The following FRRS1 variants were observed in gnomAD, a reference collection of about 807,000 sequenced individuals.
FRRS1 encodes the protein ferric reductase 1.
A neutral mutation model predicts 70.7 loss-of-function variants in FRRS1; 51 were observed. The observed-to-expected ratio is 0.72, with a 90% CI of 0.58 to 0.91. FRRS1 has a LOEUF of 0.91. Ranked by LOEUF, FRRS1 falls within the 40% of genes least tolerant of loss-of-function variation. The pLI, the probability that FRRS1 is intolerant of heterozygous loss-of-function variation, is 0.00. For missense variants in FRRS1, 672 were observed against 726.0 expected (o/e 0.93, Z 0.86); for synonymous variants, 225 against 238.7 (o/e 0.94, Z 0.53).
chr1:99,716,933 A>G (rs1405286714), intron 11 of FRRS1, among the ~76,000 whole-genome samples: 1 of 152,214 alleles, frequency 6.6e-6, no homozygotes, highest in Non-Finnish European at 1.5e-5. Context: ...TACAGGAGAT[A>G]GATGATCCCA....
chr1:99,748,854 A>G, intron 2 of FRRS1, 43 bp downstream of exon 2: 3 of 937,046 alleles, frequency 3.2e-6, no homozygotes, highest in Admixed American at 5.3e-5. Context: ...ATTCTAGATA[A>G]CTACTTGCTT....
chr1:99,739,840 C>T (rs552299179), intron 6 of FRRS1, among the ~76,000 whole-genome samples: 1 of 151,746 alleles, frequency 6.6e-6, no homozygotes, highest in African/African-American at 2.4e-5. Context: ...GTATTTAGGC[C>T]CACGTTTGTT....
chr1:99,740,759 C>T (rs753918451), intron 6 of FRRS1, 34 bp downstream of exon 6: 10 of 1,481,034 alleles, frequency 6.8e-6, no homozygotes, highest in Admixed American at 1.7e-5. Context: ...TGGTGAAACC[C>T]CATCTCTACA....
chr1:99,704,375 A>T lies in FRRS1; in HGVS notation c.*4653T>A, dbSNP rs1462508251. Among the ~76,000 whole-genome samples the T allele has an allele frequency of 6.6e-6, 1 of 152,220 alleles. No homozygotes were observed. Among genetic ancestry groups the T allele is most frequent in the East Asian group, 1.9e-4 (1 of 5,188 alleles). ...ACCAATGTTGGACAGCAAGTCAGGGAAGGAGCTAGAACTTGATAAACTAGC... is the reference window on the plus strand; with the variant it reads ...ACCAATGTTGGACAGCAAGTCAGGGTAGGAGCTAGAACTTGATAAACTAGC... On this transcript the variant is annotated 3_prime_UTR_variant, in exon 17 of 17. Transcript: ENST00000646001.
intron 1 of FRRS1, among the ~76,000 whole-genome samples, chr1:99,757,829 C>A (rs1656911504): frequency 6.6e-6 from 1 of 151,852 alleles, no homozygotes; most frequent in African/African-American, 2.4e-5. Context: ...GCTTTTATTT[C>A]TAGGCTTTTG....
At position 99,738,215 on chromosome 1, in the gene FRRS1, G is replaced by A; in HGVS notation, c.630C>T (p.Asn210=). 6.2e-7 allele frequency: 1 copy of A among 1,613,752 alleles called. No homozygotes were observed. Among genetic ancestry groups the A allele is most frequent in the East Asian group, 2.2e-5 (1 of 44,870 alleles). ...AGGAAGCCTCCTTCTCTGGGTCACA[G>A]TTCAAAGGACTCCTAATACAGAACT... The part of the protein sequence containing the change: ...NKKFCIRSPL[N]CDPEKEASCV... Residue 210 remains asparagine, a synonymous_variant, in exon 7 of 17, where the codon AAC becomes AAT. Transcript: ENST00000646001.
chr1:99,722,431 C>T (rs1654881353), intron 9 of FRRS1, among the ~76,000 whole-genome samples: 1 of 152,114 alleles, frequency 6.6e-6, no homozygotes, highest in African/African-American at 2.4e-5. Flanking sequence ...CACACATTCA[C>T]AACGTAAACC....
intron 1 of FRRS1, among the ~76,000 whole-genome samples, chr1:99,749,935 G>A (rs1396023145): frequency 6.6e-6 from 1 of 152,224 alleles, no homozygotes; most frequent in Non-Finnish European, 1.5e-5. Context: ...AAACACCTAA[G>A]AGGCAGTTTA....
chr1:99,735,520 A>G (rs1453605343), intron 7 of FRRS1, among the ~76,000 whole-genome samples: 1 of 152,224 alleles, frequency 6.6e-6, no homozygotes, highest in Non-Finnish European at 1.5e-5. Flanking sequence ...GAAAGTTTTA[A>G]AAGTAATAAC....
intron 5 of FRRS1, 123 bp downstream of exon 5, chr1:99,742,056 T>C (rs1655992594): frequency 1.6e-6 from 1 of 621,070 alleles, no homozygotes; most frequent in African/African-American, 1.8e-5. Context: ...GGTTTCACCA[T>C]GTTGCCCAGG....
intron 1 of FRRS1, among the ~76,000 whole-genome samples, chr1:99,753,162 A>G (rs1273391712): frequency 6.6e-6 from 1 of 151,620 alleles, no homozygotes. Context: ...GCAGTGAGCT[A>G]CAATCACACC....
At chr1:99,749,737 C>T (rs978684986) in intron 1 of FRRS1, among the ~76,000 whole-genome samples, 1 of 152,206 alleles carries the variant, frequency 6.6e-6, no homozygotes, top group Non-Finnish European at 1.5e-5. Context: ...TTCCTCTTAG[C>T]ATCTGGATAA....
At chr1:99,726,215 T>A (rs1655073040) in intron 9 of FRRS1, among the ~76,000 whole-genome samples, 1 of 152,206 alleles carries the variant, frequency 6.6e-6, no homozygotes. Context: ...ATGTAAGATG[T>A]GGCTACTTCC....
chr1:99,748,781 G>A lies in FRRS1; in HGVS notation c.1-13C>T, dbSNP rs778728280. The A allele has an allele frequency of 1.2e-6, 2 of 1,601,766 alleles. No homozygotes were observed. The highest frequency in any genetic ancestry group is 1.7e-6 in the Non-Finnish European group (2 of 1,171,456). On this transcript the variant is annotated splice_polypyrimidine_tract_variant and intron_variant, in intron 2 of 16. Coordinates refer to ENST00000646001, the MANE Select transcript of FRRS1 (RefSeq NM_001361041.2). ...CAGAAACTGCCATCTCAAAAAGAAG[G>A]GTAAAAGCCCATTATTGTCATATAT...
chr1:99,751,521 A>G (rs1656567075), intron 1 of FRRS1, among the ~76,000 whole-genome samples: 1 of 152,188 alleles, frequency 6.6e-6, no homozygotes, highest in Non-Finnish European at 1.5e-5. Flanking sequence ...AGCCAGAGGA[A>G]AAAGAAAGGA....
chr1:99,762,907 T>C (rs1006720961), intron 1 of FRRS1, among the ~76,000 whole-genome samples: 12 of 152,136 alleles, frequency 7.9e-5, no homozygotes, highest in African/African-American at 2.9e-4. Flanking sequence ...TGTCTAGTGT[T>C]TTCCTTTCTG....
rs892611054 is a variant in FRRS1, at chr1:99,730,954, T to C, written c.760-1206A>G. ...AGAAGGCTAAGGCAGGAGAATCACT[T>C]GAGCCCAGGAGGTCAAGTCTGCAGT... On this transcript the variant is annotated intron_variant, in intron 7 of 16. Transcript: ENST00000646001. Among the ~76,000 whole-genome samples, 26 of 152,096 alleles carry C rather than the reference T, an allele frequency of 1.7e-4. 1 individual carries two copies. Among genetic ancestry groups the C allele is most frequent in the African/African-American group, 5.5e-4 (23 of 41,480 alleles).
At chr1:99,746,997 C>T (rs1591775) in intron 4 of FRRS1, among the ~76,000 whole-genome samples, 75,041 of 152,010 alleles carry the variant, frequency 0.49, 22,537 homozygotes, top group African/African-American at 0.85. Context: ...GAATAAAGAC[C>T]TTTATGATAA....
At chr1:99,737,393 A>C (rs1210213503) in intron 7 of FRRS1, among the ~76,000 whole-genome samples, 2 of 152,218 alleles carry the variant, frequency 1.3e-5, no homozygotes, top group Non-Finnish European at 2.9e-5. Flanking sequence ...AATAGGACAA[A>C]AGAGCAGGAA....
Sources: allele counts gnomAD v4.1 joint callset (sites outside exome capture counted in the v4.1 genomes callset), GRCh38; gene constraint gnomAD v4.1.1; transcripts MANE v1.5; gene names NCBI Gene and HGNC (gene_info 2026-07-23, HGNC 2026-07-21).